The following ALDH1A2 variants were observed in gnomAD, a reference collection of about 807,000 sequenced individuals.
ALDH1A2 encodes the protein aldehyde dehydrogenase 1 family member A2, also known as retinal dehydrogenase 2.
ALDH1A2 carries 27 observed loss-of-function variants against 60.3 expected under a neutral mutation model. The observed-to-expected ratio is 0.45, with a 90% CI of 0.33 to 0.62. The LOEUF is 0.62. Ranked by LOEUF, ALDH1A2 falls within the 20% of genes least tolerant of loss-of-function variation. ALDH1A2 has a pLI of 0.02. For missense variants in ALDH1A2, 581 were observed against 643.8 expected (o/e 0.90, Z 1.06); for synonymous variants, 289 against 232.4 (o/e 1.24, Z -2.21).
chr15:58,041,746 T>C (rs1595685149), intron 1 of ALDH1A2, among the ~76,000 whole-genome samples: 1 of 151,920 alleles, frequency 6.6e-6, no homozygotes, highest in Non-Finnish European at 1.5e-5. Context: ...CCTTTATCCA[T>C]GGGGGATATG....
chr15:58,034,356 GT>G, intron 1 of ALDH1A2, among the ~76,000 whole-genome samples: 1 of 151,466 alleles, frequency 6.6e-6, no homozygotes, highest in Non-Finnish European at 1.5e-5. Flanking sequence ...AGTTCTAGAT[GT>G]TTTTTTCTTT....
At chr15:58,062,103 A>AG (rs758729555) in intron 1 of ALDH1A2, among the ~76,000 whole-genome samples, 11 of 152,306 alleles carry the variant, frequency 7.2e-5, no homozygotes, top group Non-Finnish European at 1.5e-4. Context: ...GATGCACATT[A>AG]GCTCTGAGTT....
At chr15:58,004,931 A>G (rs1237895016) in intron 4 of ALDH1A2, among the ~76,000 whole-genome samples, 19 of 151,532 alleles carry the variant, frequency 1.3e-4, no homozygotes, top group African/African-American at 4.4e-4. Flanking sequence ...AGAAGACTCA[A>G]TATTGTTAAA....
chr15:57,989,312 G>T (rs749931737), intron 7 of ALDH1A2, among the ~76,000 whole-genome samples: 11 of 152,150 alleles, frequency 7.2e-5, no homozygotes, highest in Non-Finnish European at 2.9e-5. Context: ...ATTCCTAGAT[G>T]AGGAGTCAAT....
At chr15:58,045,779 A>G (rs1170925356) in intron 1 of ALDH1A2, among the ~76,000 whole-genome samples, 1 of 151,924 alleles carries the variant, frequency 6.6e-6, no homozygotes, top group Non-Finnish European at 1.5e-5. Context: ...GTGTATACCT[A>G]TGTAACAAAA....
At chr15:58,036,791 T>C (rs560943477) in intron 1 of ALDH1A2, 1 of 151,884 alleles carries the variant, frequency 6.6e-6, no homozygotes, top group African/African-American at 2.4e-5. Flanking sequence ...ATGGATAGTA[T>C]AGATAAGCAG....
At chr15:58,053,178 T>C (rs1484534885) in intron 1 of ALDH1A2, among the ~76,000 whole-genome samples, 3 of 152,230 alleles carry the variant, frequency 2.0e-5, no homozygotes, top group South Asian at 4.1e-4. Flanking sequence ...CACACAGTAC[T>C]TAACAGTAAT....
intron 1 of ALDH1A2, among the ~76,000 whole-genome samples, chr15:58,043,936 A>C (rs548467744): frequency 2.0e-5 from 3 of 152,130 alleles, no homozygotes; most frequent in African/African-American, 4.8e-5. Context: ...CTGCAAATCC[A>C]AGTGTTAGAT....
intron 7 of ALDH1A2, among the ~76,000 whole-genome samples, chr15:57,985,093 G>C (rs1244790954): frequency 6.6e-6 from 1 of 152,020 alleles, no homozygotes; most frequent in Non-Finnish European, 1.5e-5. Context: ...TGATATCTTT[G>C]TCTGTGGTAT....
chr15:58,009,740 G>A (rs554356385), intron 4 of ALDH1A2, among the ~76,000 whole-genome samples: 3 of 151,892 alleles, frequency 2.0e-5, no homozygotes, highest in Admixed American at 6.6e-5. Context: ...AGGTTCTAAC[G>A]TCAAAGTTTT....
intron 9 of ALDH1A2, among the ~76,000 whole-genome samples, 198 bp from the exon 10 acceptor site, chr15:57,962,374 G>A (rs1369317803): frequency 6.6e-6 from 1 of 151,826 alleles, no homozygotes; most frequent in Non-Finnish European, 1.5e-5. Context: ...CTAATATATC[G>A]ACGATTCCAA....
chr15:57,961,412 A>T, intron 10 of ALDH1A2, 118 bp from the exon 11 acceptor site: 1 of 1,264,040 alleles, frequency 7.9e-7, no homozygotes, highest in South Asian at 1.3e-5. Flanking sequence ...GTTTAGCAGT[A>T]CAAAACTGTA....
chr15:57,976,337 GGA>G (rs1245860933), intron 7 of ALDH1A2, among the ~76,000 whole-genome samples: 1 of 152,116 alleles, frequency 6.6e-6, no homozygotes, highest in African/African-American at 2.4e-5. Context: ...TGCAGAAAGT[GGA>G]GGTTTTTTAC....
chr15:57,993,155 C>T, intron 5 of ALDH1A2, 82 bp from the exon 6 acceptor site: 1 of 1,517,734 alleles, frequency 6.6e-7, no homozygotes, highest in Admixed American at 1.7e-5. Context: ...TCTCATATTT[C>T]TCAAACTAGT....
intron 1 of ALDH1A2, among the ~76,000 whole-genome samples, chr15:58,046,894 C>T (rs1473921146): frequency 3.9e-5 from 6 of 151,976 alleles, no homozygotes; most frequent in Non-Finnish European, 8.8e-5. Flanking sequence ...TCAACAGCAT[C>T]GGATTCTTCT....
intron 7 of ALDH1A2, among the ~76,000 whole-genome samples, chr15:57,991,997 G>A (rs765934822): frequency 6.6e-6 from 1 of 152,166 alleles, no homozygotes; most frequent in Non-Finnish European, 1.5e-5. Context: ...AATATACCCT[G>A]CTGTTTTGGT....
At position 58,013,902 on chromosome 15, in the gene ALDH1A2, C is replaced by T. The variant is rs867232102; in HGVS notation, c.319G>A (p.Asp107Asn). The T allele has an allele frequency of 6.2e-7, 1 of 1,614,160 alleles. No individual in the cohort carries two copies. Among genetic ancestry groups the T allele is most frequent in the South Asian group, 1.1e-5 (1 of 91,086 alleles). Residue 107 changes from aspartate to asparagine, a missense_variant, in exon 3 of 13, where the codon GAT (aspartate) becomes AAT (asparagine). By Grantham distance (23) the Asp-to-Asn change is conservative. Around this residue, in one of 2 missense-constraint regions of ALDH1A2, gnomAD observed 206 missense variants for 174.1 expected, o/e 1.18. Transcript: ENST00000249750. ...MDASERGRLL[D>N]KLADLVERDR... Reference sequence around the variant, plus strand: ...CGTTCCACCAAGTCTGCAAGCTTATCCAACAGACGTCCCCTTTCTGAAGCA... The same window carrying T: ...CGTTCCACCAAGTCTGCAAGCTTATTCAACAGACGTCCCCTTTCTGAAGCA...
chr15:57,973,922 C>T (rs1248308618), intron 7 of ALDH1A2, among the ~76,000 whole-genome samples: 1 of 152,190 alleles, frequency 6.6e-6, no homozygotes, highest in East Asian at 1.9e-4. Flanking sequence ...AATTCAAAGA[C>T]CCACCTTCCA....
intron 1 of ALDH1A2, chr15:58,058,098 A>T: frequency 6.5e-7 from 1 of 1,530,020 alleles, no homozygotes; most frequent in Non-Finnish European, 8.8e-7. Flanking sequence ...CAGCAAGTCC[A>T]ATTTTCACAC....
Sources: allele counts gnomAD v4.1 joint callset (sites outside exome capture counted in the v4.1 genomes callset), GRCh38; gene constraint gnomAD v4.1.1; regional missense constraint gnomAD v4.1.1; transcripts MANE v1.5; gene names NCBI Gene and HGNC (gene_info 2026-07-23, HGNC 2026-07-21).